Variants in ZIM2 observed in about 807,000 individuals in gnomAD.
The protein encoded by ZIM2 is zinc finger imprinted 2, also known as zinc finger protein 656.
In ZIM2, 14 loss-of-function variants were observed where a neutral mutation model predicts 38.6. That is an observed-to-expected ratio of 0.36 (90% CI 0.24 to 0.57). The LOEUF (loss-of-function observed/expected upper bound fraction) is 0.57, where lower values mean the gene tolerates loss of function less well. Among genes scored for constraint, ZIM2 ranks in the 20% least tolerant of loss-of-function variants. The probability of loss-of-function intolerance (pLI) is 0.81; values close to 1 mark genes in which losing one functional copy is unlikely to be tolerated. For synonymous variants in ZIM2, 247 were observed against 245.8 expected (o/e 1.00, Z -0.04); for missense variants, 680 against 695.1 (o/e 0.98, Z 0.24).
chr19:56,804,243 C>T (rs2061767910), intron 9 of ZIM2, among the ~76,000 whole-genome samples: 1 of 152,208 alleles, frequency 6.6e-6, no homozygotes, highest in Non-Finnish European at 1.5e-5. Context: ...TTAAATACCT[C>T]CTGATCTTCA....
At chr19:56,794,423 A>G (rs2047090567) in intron 9 of ZIM2, among the ~76,000 whole-genome samples, 1 of 152,158 alleles carries the variant, frequency 6.6e-6, no homozygotes, top group African/African-American at 2.4e-5. Context: ...TCCCCACTAA[A>G]ACTTACGCCT....
intron 12 of ZIM2, among the ~76,000 whole-genome samples, chr19:56,776,791 A>G (rs1371159815): frequency 6.6e-6 from 1 of 152,148 alleles, no homozygotes; most frequent in Non-Finnish European, 1.5e-5. Flanking sequence ...ACAGAAAATG[A>G]TTAGTGGAGG....
Position 56,783,350 on chromosome 19 carries a change from G to A in ZIM2, c.571-1229C>T, listed in dbSNP as rs558890615. Among the ~76,000 whole-genome samples, 5 of 152,178 alleles carry A rather than the reference G, an allele frequency of 3.3e-5. No individual in the cohort carries two copies. In the East Asian group the frequency reaches 9.7e-4, roughly 29 times the overall value. ...AAGCTGTCCTACCAAAAAGACACAT[G>A]CACTCATATGTTCATCACAGCACTG... On this transcript the variant is annotated intron_variant, in intron 10 of 12. Coordinates refer to ENST00000629319, the MANE Select transcript of ZIM2 (RefSeq NM_001387356.1).
intron 3 of ZIM2, among the ~76,000 whole-genome samples, chr19:56,825,406 G>A (rs1023646162): frequency 1.4e-4 from 21 of 152,148 alleles, no homozygotes; most frequent in African/African-American, 5.1e-4. Flanking sequence ...TCTTGACAAA[G>A]GTCTAATCTG....
chr19:56,836,260 C>T (rs59958078), intron 1 of ZIM2, among the ~76,000 whole-genome samples, 156 bp from the exon 2 acceptor site: 1,981 of 152,188 alleles, frequency 0.013, 50 homozygotes, highest in African/African-American at 0.045. Context: ...TGAATGGCCA[C>T]GGGTATAGCT....
At position 56,795,630 on chromosome 19, in the gene ZIM2, T is replaced by C. The variant is rs552096915; in HGVS notation, c.491-5679A>G. Reference sequence around the variant, plus strand: ...CTGTGAGACACGAGGATAGGGTTGGTACGGCGAGGAGAAGGGCGGCGACGT... The same window carrying C: ...CTGTGAGACACGAGGATAGGGTTGGCACGGCGAGGAGAAGGGCGGCGACGT... On this transcript the variant is annotated intron_variant, in intron 9 of 12. Transcript: ENST00000629319. Among the ~76,000 whole-genome samples, 156 of 152,280 alleles carry C rather than the reference T, an allele frequency of 1.0e-3. 4 individuals carry two copies. In the South Asian group the frequency reaches 0.031, roughly 31 times the overall value.
In ZIM2 at chr19:56,787,334, G is replaced by A. The variant is rs191332856; in HGVS notation, c.570+2538C>T. On this transcript the variant is annotated intron_variant, in intron 10 of 12. Transcript: ENST00000629319. ...ACTCTCACTCAGGCTGGAGTGCAGCGACATGATCTTGGCTCACTGCAACCT... is the reference window on the plus strand; with the variant it reads ...ACTCTCACTCAGGCTGGAGTGCAGCAACATGATCTTGGCTCACTGCAACCT... Among the ~76,000 whole-genome samples, 270 of 152,184 alleles carry A rather than the reference G, an allele frequency of 1.8e-3. 2 individuals carry two copies. Among genetic ancestry groups the A allele is most frequent in the East Asian group, 4.8e-3 (25 of 5,172 alleles).
At chr19:56,781,877 A>C in intron 11 of ZIM2, 76 bp downstream of exon 11, 2 of 1,545,682 alleles carry the variant, frequency 1.3e-6, no homozygotes, top group East Asian at 4.5e-5. Flanking sequence ...ACCATTACTG[A>C]TGAGAGGACA....
intron 3 of ZIM2, chr19:56,824,638 G>A (rs1373969224): frequency 1.9e-6 from 3 of 1,597,190 alleles, no homozygotes; most frequent in Non-Finnish European, 2.6e-6. Context: ...TGGCAGACAA[G>A]TGCTTTGGAG....
At chr19:56,799,928 T>C (rs1053168324) in intron 9 of ZIM2, among the ~76,000 whole-genome samples, 2 of 152,096 alleles carry the variant, frequency 1.3e-5, no homozygotes, top group Admixed American at 1.3e-4. Context: ...GAAAGAAGAG[T>C]TACACAACGA....
intron 1 of ZIM2, among the ~76,000 whole-genome samples, chr19:56,840,257 G>A (rs538713355): frequency 2.0e-5 from 3 of 152,312 alleles, no homozygotes; most frequent in Admixed American, 1.3e-4. Context: ...GGTGGCCCCC[G>A]GCCAGTCAGA....
At chr19:56,839,093 A>G (rs2062609243) in intron 1 of ZIM2, among the ~76,000 whole-genome samples, 3 of 150,328 alleles carry the variant, frequency 2.0e-5, no homozygotes, top group Non-Finnish European at 4.4e-5. Flanking sequence ...CAACTAGGAC[A>G]GCGCCTGCGC....
At chr19:56,810,633 G>C (rs2048071243) in intron 9 of ZIM2, 1 of 938,028 alleles carries the variant, frequency 1.1e-6, no homozygotes, top group African/African-American at 1.8e-5. Flanking sequence ...GATTATTTAA[G>C]GAATTTGAGA....
intron 5 of ZIM2, among the ~76,000 whole-genome samples, chr19:56,823,298 A>T (rs1025312358): frequency 5.3e-5 from 8 of 152,240 alleles, no homozygotes; most frequent in Non-Finnish European, 1.0e-4. Context: ...ATCTTTAATG[A>T]ACCTTCCTGA....
At chr19:56,820,648 AG>A (rs2060399628) in intron 7 of ZIM2, among the ~76,000 whole-genome samples, 1 of 152,174 alleles carries the variant, frequency 6.6e-6, no homozygotes, top group South Asian at 2.1e-4. Context: ...AATGCCTCCA[AG>A]ACATTTCCCT....
rs545588800 is a variant in ZIM2 at position 56,838,278 on chromosome 19, G to A, written c.-313-2174C>T. 1.9e-4 allele frequency among the ~76,000 whole-genome samples: 29 copies of A among 151,934 alleles called. 1 individual carries two copies. In the South Asian group the frequency reaches 5.6e-3, roughly 29 times the overall value. ...CCAGGCTCGGCAGCCCCTAGTCACT[G>A]AGAAAGCCCTCCCTCATGCCCGCCC... On this transcript the variant is annotated intron_variant, in intron 1 of 12. Coordinates refer to ENST00000629319, the MANE Select transcript of ZIM2 (RefSeq NM_001387356.1).
intron 10 of ZIM2, among the ~76,000 whole-genome samples, chr19:56,783,043 C>G (rs542745109): frequency 1.8e-4 from 27 of 152,120 alleles, no homozygotes; most frequent in African/African-American, 6.5e-4. Context: ...CTCTGAGAAC[C>G]ACCCTTCTAA....
rs1181946623 is a variant in ZIM2 at position 56,774,574 on chromosome 19, T to G, written c.*114A>C. The G allele has an allele frequency of 2.8e-6, 4 of 1,433,844 alleles. No individual in the cohort carries two copies. In the African/African-American group the frequency reaches 4.3e-5, roughly 15 times the overall value. 88.8% of individuals were successfully genotyped at this position (1,433,844 alleles called of 1,614,324 possible). A position where few individuals can be genotyped will look rare whatever the true frequency, so the allele number is the denominator to read the frequency against. ...TTTTTTTTTTTTTACCACACTTTGA[T>G]GAATGTTCAAGTTGTTAACAAGGTG... On this transcript the variant is annotated 3_prime_UTR_variant, in exon 13 of 13. Coordinates refer to ENST00000629319, the MANE Select transcript of ZIM2 (RefSeq NM_001387356.1).
At chr19:56,807,322 A>G (rs2047805855) in intron 9 of ZIM2, among the ~76,000 whole-genome samples, 1 of 152,230 alleles carries the variant, frequency 6.6e-6, no homozygotes, top group African/African-American at 2.4e-5. Flanking sequence ...TCATGATGGG[A>G]TGAGGGAAAA....
Sources: gnomAD v4.1 joint callset for allele counts (sites outside exome capture counted in the v4.1 genomes callset) on GRCh38, gnomAD v4.1.1 for gene constraint, MANE v1.5 for transcripts, NCBI Gene and HGNC (gene_info 2026-07-23, HGNC 2026-07-21) for gene names.